The following ENOSF1 variants were observed in gnomAD, a reference collection of about 807,000 sequenced individuals.
ENOSF1 encodes the protein enolase superfamily member 1.
In ENOSF1, 73 loss-of-function variants were observed where a neutral mutation model predicts 68.2. The observed-to-expected ratio is 1.07, with a 90% confidence interval of 0.89 to 1.30. The LOEUF (loss-of-function observed/expected upper bound fraction) is 1.30. Among genes scored for constraint, ENOSF1 ranks in the 50% most tolerant of loss-of-function variants. The pLI is 0.00. For synonymous variants in ENOSF1, 223 were observed against 210.4 expected (o/e 1.06, Z -0.52); for missense variants, 589 against 554.5 (o/e 1.06, Z -0.62).
chr18:673,152 G>A lies in ENOSF1; in HGVS notation c.*1153C>T, dbSNP rs2075144420. On this transcript the variant is annotated 3_prime_UTR_variant, in exon 16 of 16. Coordinates refer to ENST00000647584, the MANE Select transcript of ENOSF1 (RefSeq NM_017512.7). The stretch of plus-strand genomic sequence containing the variant: ...TTAATTTTTAAGGATGTTGCCACTG[G>A]CAAATGTAACTGTGCCAGTTCTTTC... 5.1e-6 allele frequency: 4 copies of A among 779,576 alleles called. No individual in the cohort carries two copies. The East Asian group carries it at 1.1e-4, about 21-fold the overall frequency. 48.3% of individuals were successfully genotyped at this position (779,576 alleles called of 1,614,324 possible).
At chr18:694,364 T>C (rs1294367043) in intron 3 of ENOSF1, 30 bp from the exon 4 acceptor site, 1 of 1,608,758 alleles carries the variant, frequency 6.2e-7, no homozygotes, top group Admixed American at 1.7e-5. Flanking sequence ...CAAAAGCACT[T>C]TTTAGAAATG....
intron 2 of ENOSF1, 150 bp downstream of exon 2, chr18:706,320 A>AAT: frequency 2.4e-6 from 1 of 412,078 alleles, no homozygotes; most frequent in South Asian, 3.1e-5. Flanking sequence ...CAAACCATGA[A>AAT]ACTTTTTACT....
intron 1 of ENOSF1, among the ~76,000 whole-genome samples, chr18:712,095 C>T (rs953263170): frequency 6.6e-6 from 1 of 152,202 alleles, no homozygotes; most frequent in African/African-American, 2.4e-5. Context: ...CTGCTATTGC[C>T]TATTATGCAT....
In ENOSF1 at chr18:670,879, C is replaced by T. The variant is rs374858536; in HGVS notation, c.*3426G>A. On this transcript the variant is annotated 3_prime_UTR_variant, in exon 16 of 16. Transcript: ENST00000647584. ...TCACGGGCCTGAAGGTGGGCTGTCT[C>T]GGGAAGGGTGACTTGCCAGCCTACC... 3.0e-5 allele frequency: 48 copies of T among 1,613,172 alleles called. 1 individual carries two copies. The African/African-American group carries it at 3.1e-4, about 10-fold the overall frequency.
chr18:688,309 G>A, intron 9 of ENOSF1: 1 of 459,550 alleles, frequency 2.2e-6, no homozygotes, highest in Non-Finnish European at 4.0e-6. Flanking sequence ...GTAAAGACTG[G>A]ATTTCTACTC....
intron 2 of ENOSF1, among the ~76,000 whole-genome samples, chr18:703,012 T>C (rs2078531505): frequency 6.6e-6 from 1 of 152,124 alleles, no homozygotes; most frequent in Non-Finnish European, 1.5e-5. Flanking sequence ...ATCTTTAGTG[T>C]GAGTGCTGTG....
rs375721103 is a variant in ENOSF1, at chr18:691,286, T to C, written c.424-10A>G. ...CCAGCATCCTGGGATCCTGGCAACG[T>C]GACAGGAGGGGAAGAGGCCTGAATC... is the stretch of plus-strand genomic sequence containing the variant. On this transcript the variant is annotated splice_polypyrimidine_tract_variant and intron_variant, in intron 5 of 15. Coordinates refer to ENST00000647584, the MANE Select transcript of ENOSF1 (RefSeq NM_017512.7). The C allele has an allele frequency of 1.6e-5, 25 of 1,611,322 alleles. No homozygotes were observed. The African/African-American group carries it at 3.2e-4, about 21-fold the overall frequency.
In ENOSF1 at chr18:684,187, G is replaced by A. The variant is rs567767544; in HGVS notation, c.742-807C>T. 9.4e-4 allele frequency among the ~76,000 whole-genome samples: 143 copies of A among 151,786 alleles called. 1 individual carries two copies. The highest frequency in any genetic ancestry group is 1.8e-3 in the Non-Finnish European group (119 of 67,862). On this transcript the variant is annotated intron_variant, in intron 10 of 15. Coordinates refer to ENST00000647584, the MANE Select transcript of ENOSF1 (RefSeq NM_017512.7). ...TTTTTTTGTATTTTTAGTAGAGACG[G>A]GGTTTCACCATGTTAGCCAGGATGG...
chr18:705,961 A>G (rs2145441163), intron 2 of ENOSF1, among the ~76,000 whole-genome samples: 1 of 152,166 alleles, frequency 6.6e-6, no homozygotes, highest in South Asian at 2.1e-4. Flanking sequence ...GTGAGCTGAG[A>G]TTGTGCCACT....
At chr18:683,184 C>T (rs2076255584) in intron 11 of ENOSF1, 62 bp downstream of exon 11, 2 of 1,602,392 alleles carry the variant, frequency 1.2e-6, no homozygotes, top group Non-Finnish European at 8.5e-7. Context: ...GATCTGTCCC[C>T]AGCACTCTGG....
chr18:667,499 AGATGGTGATGGTGATGGT>A (rs1408203595), downstream of ENOSF1, among the ~76,000 whole-genome samples: 2 of 10,182 alleles, frequency 2.0e-4, no homozygotes, highest in Non-Finnish European at 3.4e-4. Flanking sequence ...ATGGTGATGG[AGATGGTGATGGTGATGGT>A]GATGGTGATG....
At chr18:668,967 AG>A, downstream of ENOSF1, 2 of 926,274 alleles carry the variant, frequency 2.2e-6, no homozygotes, top group Non-Finnish European at 3.3e-6. Context: ...CCATGGGTCA[AG>A]GGGGGACCCT....
At chr18:690,510 C>T in intron 8 of ENOSF1, 39 bp downstream of exon 8, 2 of 1,612,230 alleles carry the variant, frequency 1.2e-6, no homozygotes, top group Non-Finnish European at 1.7e-6. Context: ...TTGGTTTCTC[C>T]CCATTCAGCT....
At chr18:697,732 C>G (rs1438771797) in intron 2 of ENOSF1, among the ~76,000 whole-genome samples, 5 of 152,224 alleles carry the variant, frequency 3.3e-5, no homozygotes, top group Non-Finnish European at 7.3e-5. Context: ...GCCTGGGCAA[C>G]AAGAGTGAGA....
chr18:690,636 G>A lies in ENOSF1; in HGVS notation c.536-5C>T. The A allele has an allele frequency of 6.2e-7, 1 of 1,613,524 alleles. No homozygotes were observed. Among genetic ancestry groups the A allele is most frequent in the African/African-American group, 1.3e-5 (1 of 74,936 alleles). On this transcript the variant is annotated splice_polypyrimidine_tract_variant and splice_region_variant and intron_variant, in intron 7 of 15. Coordinates refer to ENST00000647584, the MANE Select transcript of ENOSF1 (RefSeq NM_017512.7). The stretch of plus-strand genomic sequence containing the variant: ...CTTGTGCCAGCATTTGCTTCTCTGT[G>A]AAAACACAGCGCCGTCAACATTTTG...
chr18:692,559 T>C (rs2077290807), intron 5 of ENOSF1: 3 of 308,750 alleles, frequency 9.7e-6, no homozygotes, highest in Non-Finnish European at 4.7e-6. Context: ...ATCATGCCAC[T>C]GTACTGTAGC....
Position 672,840 on chromosome 18 carries a change from T to C in ENOSF1, c.*1465A>G, listed in dbSNP as rs765402233. Reference sequence around the variant, plus strand: ...AGGTCGTACAATTATGGCAAAATAATGGCCTTATTTTGTTTTTAGCTTCAG... The same window carrying C: ...AGGTCGTACAATTATGGCAAAATAACGGCCTTATTTTGTTTTTAGCTTCAG... On this transcript the variant is annotated 3_prime_UTR_variant, in exon 16 of 16. Coordinates refer to ENST00000647584, the MANE Select transcript of ENOSF1 (RefSeq NM_017512.7). 1.3e-6 allele frequency: 2 copies of C among 1,545,828 alleles called. No individual in the cohort carries two copies. The highest frequency in any genetic ancestry group is 2.3e-5 in the East Asian group (1 of 43,850).
At position 685,944 on chromosome 18, in the gene ENOSF1, T is replaced by C. The variant is rs755160887; in HGVS notation, c.718A>G (p.Met240Val). The C allele has an allele frequency of 7.4e-6, 12 of 1,613,996 alleles. No individual in the cohort carries two copies. In the South Asian group the frequency reaches 1.1e-4, roughly 15 times the overall value. Residue 240 changes from methionine to valine, a missense_variant, in exon 10 of 16, where the codon ATG (methionine) becomes GTG (valine). By Grantham distance (21) the Met-to-Val change is conservative (BLOSUM62 1). Transcript: ENST00000647584. ...DMRRCQIIRDMIGPEKTLMMD... is the reference protein window; with the variant it reads ...DMRRCQIIRDVIGPEKTLMMD... Reference sequence around the variant, plus strand: ...ACCAAAGTCTTTTCCGGTCCAATCATGTCTCGGATGATTTGGCATCTTCGC... The same window carrying C: ...ACCAAAGTCTTTTCCGGTCCAATCACGTCTCGGATGATTTGGCATCTTCGC...
chr18:684,814 G>A (rs1350474170), intron 10 of ENOSF1, among the ~76,000 whole-genome samples: 1 of 151,996 alleles, frequency 6.6e-6, no homozygotes, highest in African/African-American at 2.4e-5. Flanking sequence ...AGTGATAAGA[G>A]CTCTCTCCCA....
Sources: gnomAD v4.1 joint callset for allele counts (sites outside exome capture counted in the v4.1 genomes callset) on GRCh38, gnomAD v4.1.1 for gene constraint, MANE v1.5 for transcripts, NCBI Gene and HGNC (gene_info 2026-07-23, HGNC 2026-07-21) for gene names.